Variants in GRM7 observed in about 807,000 individuals in gnomAD.
The protein encoded by GRM7 is glutamate metabotropic receptor 7.
Under a neutral mutation model 84.5 loss-of-function variants are expected in GRM7, and 35 were observed. That is an observed-to-expected ratio of 0.41 (90% CI 0.32 to 0.55). GRM7 has a LOEUF of 0.55. Among genes scored for constraint, GRM7 ranks in the 20% least tolerant of loss-of-function variants. The probability of loss-of-function intolerance (pLI) is 0.19; values close to 1 mark genes in which losing one functional copy is unlikely to be tolerated. For synonymous variants in GRM7, 487 were observed against 455.1 expected, an observed-to-expected ratio of 1.07 and a Z score of -0.89; for missense variants, 1,003 against 1,194.6, an observed-to-expected ratio of 0.84 and a Z score of 2.36.
At chr3:7,697,924 G>C (rs114575947) in intron 9 of GRM7, among the ~76,000 whole-genome samples, 2 of 152,108 alleles carry the variant, frequency 1.3e-5, no homozygotes, top group Admixed American at 6.6e-5. Context: ...TTAAAACCAG[G>C]CTTCTTGTGT....
chr3:6,951,062 C>A (rs1257826407), intron 1 of GRM7, among the ~76,000 whole-genome samples: 2 of 152,150 alleles, frequency 1.3e-5, no homozygotes. Flanking sequence ...CACCCACTGT[C>A]CGGCACTCCC....
intron 4 of GRM7, among the ~76,000 whole-genome samples, chr3:7,367,125 T>C (rs1252249378): frequency 6.6e-6 from 1 of 150,420 alleles, no homozygotes; most frequent in Non-Finnish European, 1.5e-5. Flanking sequence ...TTTATTTCTT[T>C]ACTTCAGAAA....
At chr3:7,423,020 T>A (rs1370521439) in intron 5 of GRM7, among the ~76,000 whole-genome samples, 5 of 152,278 alleles carry the variant, frequency 3.3e-5, no homozygotes, top group Middle Eastern at 6.8e-3. Context: ...GGAGGCTGAA[T>A]ATCTTCAGCC....
chr3:7,624,370 A>C (rs1379824523), intron 8 of GRM7, among the ~76,000 whole-genome samples: 1 of 152,174 alleles, frequency 6.6e-6, no homozygotes, highest in African/African-American at 2.4e-5. Flanking sequence ...AGAGAAAACC[A>C]TAATAGCACC....
chr3:7,023,723 C>T (rs547180845), intron 1 of GRM7, among the ~76,000 whole-genome samples: 1 of 152,180 alleles, frequency 6.6e-6, no homozygotes, highest in Non-Finnish European at 1.5e-5. Flanking sequence ...TGTCATCACA[C>T]AGTGTTCTCC....
chr3:7,155,895 A>G (rs368519666), intron 2 of GRM7, among the ~76,000 whole-genome samples: 13 of 152,266 alleles, frequency 8.5e-5, no homozygotes, highest in Non-Finnish European at 1.3e-4. Flanking sequence ...TCTATTTCCA[A>G]TTATTCATAT....
chr3:7,587,482 G>T (rs1216588463), intron 8 of GRM7, among the ~76,000 whole-genome samples: 1 of 152,174 alleles, frequency 6.6e-6, no homozygotes, highest in African/African-American at 2.4e-5. Context: ...GTCAGGAGAG[G>T]CTGTAATATA....
chr3:6,991,910 T>C (rs926414246), intron 1 of GRM7, among the ~76,000 whole-genome samples: 1 of 152,140 alleles, frequency 6.6e-6, no homozygotes, highest in Non-Finnish European at 1.5e-5. Context: ...TTTTGTACCC[T>C]TTGACTAACA....
intron 2 of GRM7, among the ~76,000 whole-genome samples, chr3:7,152,174 CACA>C (rs1317696464): frequency 6.6e-6 from 1 of 152,162 alleles, no homozygotes; most frequent in African/African-American, 2.4e-5. Flanking sequence ...CAGTGATTAG[CACA>C]ACATTTCAGC....
chr3:7,263,080 G>A (rs1174189091), intron 2 of GRM7, among the ~76,000 whole-genome samples: 2 of 152,166 alleles, frequency 1.3e-5, no homozygotes, highest in Non-Finnish European at 1.5e-5. Flanking sequence ...TGAAGTTGCT[G>A]TCTTTTAGAT....
At chr3:7,661,363 G>C (rs549307091) in intron 8 of GRM7, among the ~76,000 whole-genome samples, 7 of 152,084 alleles carry the variant, frequency 4.6e-5, no homozygotes, top group Non-Finnish European at 8.8e-5. Context: ...ATCACCAGTC[G>C]TTAGAAAAAC....
intron 4 of GRM7, among the ~76,000 whole-genome samples, chr3:7,359,279 C>A (rs1244408146): frequency 1.6e-5 from 2 of 123,930 alleles, no homozygotes; most frequent in Admixed American, 8.2e-5. Flanking sequence ...TCAGGTTTTC[C>A]CTTTCATTAG....
intron 8 of GRM7, among the ~76,000 whole-genome samples, chr3:7,604,820 C>T (rs1226886962): frequency 6.6e-6 from 1 of 152,020 alleles, no homozygotes; most frequent in Non-Finnish European, 1.5e-5. Context: ...TAGGAGAGTC[C>T]AGGTAAAAGT....
At chr3:7,487,339 G>C (rs1275363441) in intron 7 of GRM7, among the ~76,000 whole-genome samples, 1 of 152,182 alleles carries the variant, frequency 6.6e-6, no homozygotes, top group Non-Finnish European at 1.5e-5. Flanking sequence ...GTCCTGAAGA[G>C]AATGCTGAGG....
At chr3:7,001,711 G>A (rs749881084) in intron 1 of GRM7, among the ~76,000 whole-genome samples, 34 of 152,230 alleles carry the variant, frequency 2.2e-4, no homozygotes, top group African/African-American at 7.9e-4. Context: ...TGAACAGAAC[G>A]TGCTCAATGT....
chr3:7,315,755 T>C (rs1176089507), intron 4 of GRM7, among the ~76,000 whole-genome samples: 1 of 152,156 alleles, frequency 6.6e-6, no homozygotes, highest in Admixed American at 6.5e-5. Flanking sequence ...ATCCTATTTG[T>C]CTTTTTCTTG....
At chr3:7,162,231 C>A (rs1694648526) in intron 2 of GRM7, among the ~76,000 whole-genome samples, 1 of 152,040 alleles carries the variant, frequency 6.6e-6, no homozygotes, top group East Asian at 1.9e-4. Context: ...AATTTGAGAT[C>A]TGTGACAAAA....
At chr3:7,301,014 T>A (rs1225395913) in intron 3 of GRM7, among the ~76,000 whole-genome samples, 2 of 152,184 alleles carry the variant, frequency 1.3e-5, no homozygotes, top group Non-Finnish European at 2.9e-5. Flanking sequence ...AAGCTTCTTT[T>A]TTTTCTGAAC....
intron 7 of GRM7, among the ~76,000 whole-genome samples, chr3:7,568,627 C>T (rs867356132): frequency 2.6e-5 from 4 of 152,218 alleles, no homozygotes; most frequent in Non-Finnish European, 5.9e-5. Context: ...CCGGGGCTGC[C>T]CCCGGCGCTT....
Sources: gnomAD v4.1 joint callset for allele counts (sites outside exome capture counted in the v4.1 genomes callset) on GRCh38, gnomAD v4.1.1 for gene constraint, MANE v1.5 for transcripts, NCBI Gene and HGNC (gene_info 2026-07-23, HGNC 2026-07-21) for gene names.